GARNL3: variants seen among roughly 807,000 people sequenced by gnomAD.
GARNL3 encodes the protein GTPase activating Rap/RanGAP domain like 3.
Under a neutral mutation model 125.0 loss-of-function variants are expected in GARNL3, and 63 were observed. The observed-to-expected ratio is 0.50, with a 90% CI of 0.41 to 0.62. The LOEUF is 0.62. Ranked by LOEUF, GARNL3 falls within the 20% of genes least tolerant of loss-of-function variation. The pLI, the probability that GARNL3 is intolerant of heterozygous loss-of-function variation, is 0.00. For missense variants in GARNL3, 994 were observed against 1,244.0 expected, an observed-to-expected ratio of 0.80 and a Z score of 3.02; for synonymous variants, 439 against 457.5, an observed-to-expected ratio of 0.96 and a Z score of 0.52.
intron 2 of GARNL3, among the ~76,000 whole-genome samples, chr9:127,304,614 C>T (rs1452354621): frequency 7.1e-6 from 1 of 140,556 alleles, no homozygotes; most frequent in Non-Finnish European, 1.5e-5. Flanking sequence ...CAGCTCACTG[C>T]AACCTCCGTC....
intron 16 of GARNL3, among the ~76,000 whole-genome samples, chr9:127,348,283 A>G (rs1830248409): frequency 6.6e-6 from 1 of 152,158 alleles, no homozygotes; most frequent in South Asian, 2.1e-4. Flanking sequence ...GTGTGGCTCT[A>G]AGGCTCCCCC....
intron 1 of GARNL3, among the ~76,000 whole-genome samples, chr9:127,289,027 C>CA (rs1413317845): frequency 1.3e-5 from 2 of 152,198 alleles, no homozygotes; most frequent in Non-Finnish European, 2.9e-5. Context: ...GCCCTTGAGG[C>CA]AGCCTATACC....
chr9:127,294,371 C>G (rs1209424678), intron 2 of GARNL3, among the ~76,000 whole-genome samples: 1 of 152,126 alleles, frequency 6.6e-6, no homozygotes, highest in Non-Finnish European at 1.5e-5. Context: ...GTGACACTAT[C>G]TCGGCTCACT....
At chr9:127,270,395 A>G (rs1369433311) in intron 1 of GARNL3, among the ~76,000 whole-genome samples, 2 of 152,226 alleles carry the variant, frequency 1.3e-5, no homozygotes, top group Non-Finnish European at 2.9e-5. Flanking sequence ...CCATGTACCA[A>G]GCCCTACAAG....
chr9:127,260,666 A>G (rs1000766861), upstream of GARNL3, among the ~76,000 whole-genome samples: 1 of 152,300 alleles, frequency 6.6e-6, no homozygotes, highest in Non-Finnish European at 1.5e-5. Flanking sequence ...TAGACAGTTC[A>G]TAACCACTGG....
chr9:127,331,347 G>A (rs1233507710), intron 7 of GARNL3, among the ~76,000 whole-genome samples: 2 of 152,006 alleles, frequency 1.3e-5, no homozygotes, highest in Non-Finnish European at 2.9e-5. Flanking sequence ...AAAAAAATTA[G>A]CCAGGCATGG....
At chr9:127,228,048 A>C (rs1017832230) in intron 1 of GARNL3, among the ~76,000 whole-genome samples, 1 of 152,236 alleles carries the variant, frequency 6.6e-6, no homozygotes, top group African/African-American at 2.4e-5. Flanking sequence ...TTTTTTCTTA[A>C]CTATGTATGT....
At chr9:127,290,733 C>A (rs1044084398) in intron 1 of GARNL3, among the ~76,000 whole-genome samples, 11 of 152,198 alleles carry the variant, frequency 7.2e-5, no homozygotes, top group Non-Finnish European at 1.5e-4. Context: ...GAATGAAGCA[C>A]AGGCGCTTTC....
At chr9:127,300,377 A>G in intron 2 of GARNL3, 1 of 301,632 alleles carries the variant, frequency 3.3e-6, no homozygotes, top group African/African-American at 2.3e-5. Flanking sequence ...GTTTTATTTG[A>G]CCCCTTTCAC....
At chr9:127,269,230 G>A (rs1443392236) in intron 1 of GARNL3, among the ~76,000 whole-genome samples, 2 of 152,142 alleles carry the variant, frequency 1.3e-5, no homozygotes, top group Admixed American at 1.3e-4. Context: ...GAAATCTTGG[G>A]CTCAAGCAGT....
intron 17 of GARNL3, among the ~76,000 whole-genome samples, chr9:127,350,731 G>C (rs1013147223): frequency 2.0e-5 from 3 of 151,514 alleles, no homozygotes; most frequent in African/African-American, 7.3e-5. Context: ...AGCCAAGATC[G>C]CAGCACTGCA....
At chr9:127,342,818 C>T (rs1829933878) in intron 14 of GARNL3, among the ~76,000 whole-genome samples, 2 of 151,406 alleles carry the variant, frequency 1.3e-5, no homozygotes, top group Admixed American at 6.6e-5. Flanking sequence ...CCAGACACTT[C>T]GTAGGCCTGA....
chr9:127,369,593 A>AG (rs1278809921), intron 22 of GARNL3, among the ~76,000 whole-genome samples: 1 of 152,192 alleles, frequency 6.6e-6, no homozygotes, highest in Non-Finnish European at 1.5e-5. Context: ...CCTGTCTGAG[A>AG]GGGACCCTTG....
At chr9:127,234,730 T>C (rs1044160148) in intron 1 of GARNL3, among the ~76,000 whole-genome samples, 4 of 152,332 alleles carry the variant, frequency 2.6e-5, no homozygotes, top group African/African-American at 9.6e-5. Context: ...AAGTCCAAGA[T>C]CCAGGTACCA....
chr9:127,355,170 A>G (rs1353166522), intron 19 of GARNL3, 127 bp from the exon 20 acceptor site: 9 of 727,802 alleles, frequency 1.2e-5, no homozygotes, highest in Non-Finnish European at 4.7e-6. Context: ...AGTGTCGGAA[A>G]CATTCTCAGT....
At chr9:127,312,222 A>G (rs974487481) in intron 3 of GARNL3, among the ~76,000 whole-genome samples, 3 of 152,194 alleles carry the variant, frequency 2.0e-5, no homozygotes, top group South Asian at 2.1e-4. Context: ...CACCTACTAC[A>G]TGCCAGGCAA....
chr9:127,291,242 G>A lies in GARNL3; in HGVS notation c.219G>A (p.Glu73=). 1.2e-6 allele frequency: 2 copies of A among 1,613,742 alleles called. No homozygotes were observed. The highest frequency in any genetic ancestry group is 1.7e-6 in the Non-Finnish European group (2 of 1,179,716). Residue 73 remains glutamate, a splice_region_variant and synonymous_variant, in exon 2 of 28, where the codon GAG becomes GAA. Coordinates refer to ENST00000373387, the MANE Select transcript of GARNL3 (RefSeq NM_032293.5). The part of the protein sequence containing the change: ...RFRVENGSSD[E]NATALPGTWR... ...GAGTGGAAAATGGCTCTTCAGATGA[G>A]GTAAGGAAGCCTCCCCACTTCCTGT...
In GARNL3 at chr9:127,393,101, G is replaced by A; in HGVS notation, c.2889G>A (p.Leu963=). ...SSSDRIPSGS[L]ESASTSEANP... ...CTTCTAGGATCCCATCAGGCTCCTTGGAAAGTGCTTCTACTTCCGAAGCCA... is the reference window on the plus strand; with the variant it reads ...CTTCTAGGATCCCATCAGGCTCCTTAGAAAGTGCTTCTACTTCCGAAGCCA... Residue 963 remains leucine (L), a synonymous_variant, in exon 28 of 28, where the codon TTG becomes TTA. Transcript: ENST00000373387. The A allele has an allele frequency of 6.2e-7, 1 of 1,603,848 alleles. No homozygotes were observed. Among genetic ancestry groups the A allele is most frequent in the Non-Finnish European group, 8.5e-7 (1 of 1,171,446 alleles).
chr9:127,226,644 C>T (rs1448187953), intron 1 of GARNL3, among the ~76,000 whole-genome samples: 1 of 152,216 alleles, frequency 6.6e-6, no homozygotes. Context: ...ATACGCCCAC[C>T]CCTCCTCCTT....
Sources: allele counts gnomAD v4.1 joint callset (sites outside exome capture counted in the v4.1 genomes callset), GRCh38; gene constraint gnomAD v4.1.1; transcripts MANE v1.5; gene names NCBI Gene and HGNC (gene_info 2026-07-23, HGNC 2026-07-21).